The following SHC4 variants were observed in gnomAD, a reference collection of about 807,000 sequenced individuals.
SHC4 encodes the protein SHC-transforming protein 4.
A neutral mutation model predicts 69.4 loss-of-function variants in SHC4; 41 were observed. That is an observed-to-expected ratio of 0.59 (90% confidence interval 0.46 to 0.77). SHC4 has a LOEUF of 0.77. Among genes scored for constraint, SHC4 ranks in the 30% least tolerant of loss-of-function variants. The pLI is 0.00. For missense variants in SHC4, 777 were observed against 783.8 expected, an observed-to-expected ratio of 0.99 and a Z score of 0.10; for synonymous variants, 318 against 299.3, an observed-to-expected ratio of 1.06 and a Z score of -0.64.
Position 48,917,788 on chromosome 15 carries a change from T to TG in SHC4, c.656+7090_656+7091insC, listed in dbSNP as rs1900655836. 5.0e-4 allele frequency among the ~76,000 whole-genome samples: 3 copies of TG among 5,968 alleles called. No individual in the cohort carries two copies. The Non-Finnish European group carries it at 0.019, about 37-fold the overall frequency. 3.9% of individuals were successfully genotyped at this position (5,968 alleles called of 152,430 possible). Reference sequence around the variant, plus strand: ...CTCTTGTCCTTTTATTTTCCTCTGCTCTATCTGAGTACTTTCTGTGTTCTA... The same window carrying TG: ...CTCTTGTCCTTTTATTTTCCTCTGCTGCTATCTGAGTACTTTCTGTGTTCTA... On this transcript the variant is annotated intron_variant, in intron 2 of 11. Transcript: ENST00000332408.
chr15:48,825,270 CA>C lies in SHC4; in HGVS notation c.*700del, dbSNP rs1898665577. ...CAGCTTGTCACATGCTGTATTTAGACAGTCTGAATAGCAAACACTGAGAAAT... is the reference window on the plus strand; with the variant it reads ...CAGCTTGTCACATGCTGTATTTAGACGTCTGAATAGCAAACACTGAGAAAT... On this transcript the variant is annotated 3_prime_UTR_variant, in exon 12 of 12. Coordinates refer to ENST00000332408, the MANE Select transcript of SHC4 (RefSeq NM_203349.4). The C allele has an allele frequency of 6.6e-6, 1 of 152,004 alleles. No individual in the cohort carries two copies. The highest frequency in any genetic ancestry group is 1.5e-5 in the Non-Finnish European group (1 of 68,024). The allele number at this position is 152,004 out of a possible 1,614,324, so 9.4% of individuals were successfully genotyped here.
At chr15:48,826,189 T>A in intron 11 of SHC4, 63 bp from the exon 12 acceptor site, 1 of 1,462,346 alleles carries the variant, frequency 6.8e-7, no homozygotes, top group East Asian at 2.4e-5. Context: ...AAGATATAAA[T>A]AATAAGGGGG....
chr15:48,865,457 C>T (rs757075511), intron 6 of SHC4, among the ~76,000 whole-genome samples: 3 of 152,120 alleles, frequency 2.0e-5, no homozygotes, highest in Non-Finnish European at 2.9e-5. Flanking sequence ...TTCTTGGACA[C>T]ACCCATTTTC....
intron 2 of SHC4, among the ~76,000 whole-genome samples, chr15:48,907,814 A>G (rs970902944): frequency 1.2e-4 from 17 of 145,086 alleles, no homozygotes; most frequent in East Asian, 6.3e-4. Flanking sequence ...ATGAATGAAT[A>G]TGTGTGTGTG....
rs187004009 is a variant in SHC4 at position 48,960,800 on chromosome 15, A to C, written c.585+1631T>G. On this transcript the variant is annotated intron_variant, in intron 1 of 11. Coordinates refer to ENST00000332408, the MANE Select transcript of SHC4 (RefSeq NM_203349.4). ...AATTTAATATGTCAAAAACAAACTT[A>C]AAATGAGTCCATTTCCTAATTTACT... 9.2e-5 allele frequency among the ~76,000 whole-genome samples: 14 copies of C among 152,348 alleles called. No individual in the cohort carries two copies. In the East Asian group the frequency reaches 2.7e-3, roughly 29 times the overall value.
chr15:48,862,894 C>G (rs761097330), intron 6 of SHC4, among the ~76,000 whole-genome samples: 6 of 151,936 alleles, frequency 3.9e-5, no homozygotes, highest in African/African-American at 1.5e-4. Context: ...TGGCTTCCCC[C>G]ACTCCCTGAC....
Position 48,876,734 on chromosome 15 carries a change from T to C in SHC4, c.841-4592A>G, listed in dbSNP as rs28868601. On this transcript the variant is annotated intron_variant, in intron 4 of 11. Transcript: ENST00000332408. ...CACATTTTTCTGCCTGCTTATATTC[T>C]AGCCAAGCTGGCAGCTGATTAGATT... 1,369 of 488,314 alleles carry C rather than the reference T, an allele frequency of 2.8e-3. 18 individuals carry two copies. The highest frequency in any genetic ancestry group is 0.022 in the African/African-American group (1,122 of 51,378). 30.2% of individuals were successfully genotyped at this position (488,314 alleles called of 1,614,324 possible).
At chr15:48,932,584 G>T (rs914742099) in intron 1 of SHC4, among the ~76,000 whole-genome samples, 1 of 151,988 alleles carries the variant, frequency 6.6e-6, no homozygotes, top group Non-Finnish European at 1.5e-5. Context: ...CCCTTCCTTT[G>T]CTCCTCCCTC....
intron 1 of SHC4, among the ~76,000 whole-genome samples, chr15:48,929,347 C>T (rs547578605): frequency 7.0e-4 from 107 of 152,322 alleles, no homozygotes; most frequent in African/African-American, 2.4e-3. Flanking sequence ...GACATGGGCT[C>T]TGTTCTTAAG....
At chr15:48,883,520 CAA>C (rs1310029925) in intron 4 of SHC4, among the ~76,000 whole-genome samples, 3 of 152,132 alleles carry the variant, frequency 2.0e-5, no homozygotes, top group Non-Finnish European at 1.5e-5. Flanking sequence ...ACATATTAGA[CAA>C]AGAGGAAAAT....
intron 11 of SHC4, among the ~76,000 whole-genome samples, chr15:48,831,936 T>G (rs1898810708): frequency 6.6e-6 from 1 of 152,336 alleles, no homozygotes; most frequent in Non-Finnish European, 1.5e-5. Flanking sequence ...CTCCTCATCT[T>G]TTGTTTATCT....
At chr15:48,874,555 G>C (rs992828485) in intron 4 of SHC4, among the ~76,000 whole-genome samples, 2 of 152,164 alleles carry the variant, frequency 1.3e-5, no homozygotes, top group Non-Finnish European at 2.9e-5. Flanking sequence ...ACCCTATTGT[G>C]AACTACACAT....
chr15:48,924,992 C>A, intron 1 of SHC4, 43 bp from the exon 2 acceptor site: 2 of 1,604,946 alleles, frequency 1.2e-6, no homozygotes, highest in South Asian at 2.2e-5. Flanking sequence ...ACAAAAATTC[C>A]AAGAAGCTGT....
intron 2 of SHC4, among the ~76,000 whole-genome samples, chr15:48,895,899 T>C (rs188804304): frequency 2.0e-5 from 3 of 152,162 alleles, no homozygotes; most frequent in Admixed American, 6.5e-5. Flanking sequence ...CTGGACAACA[T>C]GGTGAGTCCT....
intron 2 of SHC4, among the ~76,000 whole-genome samples, chr15:48,916,436 C>A (rs1283704466): frequency 6.6e-6 from 1 of 151,408 alleles, no homozygotes; most frequent in Non-Finnish European, 1.5e-5. Flanking sequence ...TGCTCAGGAG[C>A]AATAACATAC....
intron 10 of SHC4, among the ~76,000 whole-genome samples, chr15:48,837,722 G>C (rs535213972): frequency 6.6e-6 from 1 of 152,072 alleles, no homozygotes; most frequent in African/African-American, 2.4e-5. Context: ...ATATCATCTT[G>C]GAGTTCCTAT....
chr15:48,936,884 C>A (rs1403475040), intron 1 of SHC4, among the ~76,000 whole-genome samples: 1 of 152,192 alleles, frequency 6.6e-6, no homozygotes, highest in Non-Finnish European at 1.5e-5. Context: ...CATTGAAAAT[C>A]CCTTACACAG....
intron 1 of SHC4, among the ~76,000 whole-genome samples, chr15:48,961,849 C>T (rs1365314160): frequency 6.6e-6 from 1 of 152,158 alleles, no homozygotes; most frequent in East Asian, 1.9e-4. Context: ...CTTGCTGCAG[C>T]GTAGGCAGTA....
chr15:48,943,364 T>C (rs1241767279), intron 1 of SHC4, among the ~76,000 whole-genome samples: 5 of 152,230 alleles, frequency 3.3e-5, no homozygotes, highest in Non-Finnish European at 1.5e-5. Context: ...GTTTTCTTTC[T>C]ATATCTGGCT....
Sources: allele counts gnomAD v4.1 joint callset (sites outside exome capture counted in the v4.1 genomes callset), GRCh38; gene constraint gnomAD v4.1.1; transcripts MANE v1.5; gene names NCBI Gene and HGNC (gene_info 2026-07-23, HGNC 2026-07-21).